Variants in GRM7 observed in about 807,000 individuals in gnomAD.
The protein encoded by GRM7 is metabotropic glutamate receptor 7.
Under a neutral mutation model 84.5 loss-of-function variants are expected in GRM7, and 35 were observed. The observed-to-expected ratio is 0.41, with a 90% CI of 0.32 to 0.55. GRM7 has a LOEUF of 0.55. GRM7 is among the 20% of genes least tolerant of loss of function. The probability of loss-of-function intolerance (pLI) is 0.19; values close to 1 mark genes in which losing one functional copy is unlikely to be tolerated. For missense variants in GRM7, 1,003 were observed against 1,194.6 expected (o/e 0.84, Z 2.36); for synonymous variants, 487 against 455.1 (o/e 1.07, Z -0.89).
chr3:7,133,751 G>C (rs1221037499), intron 1 of GRM7, among the ~76,000 whole-genome samples: 1 of 152,048 alleles, frequency 6.6e-6, no homozygotes, highest in Non-Finnish European at 1.5e-5. Context: ...GTTGTCTATA[G>C]GGATTAATCC....
chr3:6,882,426 G>A (rs1695545464), intron 1 of GRM7, among the ~76,000 whole-genome samples: 3 of 152,100 alleles, frequency 2.0e-5, no homozygotes, highest in Admixed American at 1.3e-4. Flanking sequence ...TTAGCTTTTA[G>A]TCCCAGCTAC....
chr3:7,309,341 G>A (rs56342345), intron 4 of GRM7, among the ~76,000 whole-genome samples: 56,163 of 152,054 alleles, frequency 0.37, 11,094 homozygotes, highest in Middle Eastern at 0.48. Context: ...CAGAGCCTAT[G>A]TGGGCAAGTA....
At chr3:7,209,484 A>G (rs114006522) in intron 2 of GRM7, among the ~76,000 whole-genome samples, 1,603 of 152,290 alleles carry the variant, frequency 0.011, 17 homozygotes, top group African/African-American at 0.028. Flanking sequence ...TCCAGAGACA[A>G]TGTGCTCTGA....
At chr3:7,401,080 C>G (rs981427609) in intron 4 of GRM7, among the ~76,000 whole-genome samples, 3 of 152,060 alleles carry the variant, frequency 2.0e-5, no homozygotes, top group Non-Finnish European at 4.4e-5. Flanking sequence ...TTCAGAATCT[C>G]TCTACCATGG....
chr3:7,323,072 C>T (rs1700849229), intron 4 of GRM7, among the ~76,000 whole-genome samples: 1 of 152,060 alleles, frequency 6.6e-6, no homozygotes, highest in South Asian at 2.1e-4. Flanking sequence ...ACACGGTGAT[C>T]TCTGGAGCAT....
At chr3:7,454,081 T>TACACACACACACACACACAC (rs141029901) in intron 6 of GRM7, among the ~76,000 whole-genome samples, 4 of 142,590 alleles carry the variant, frequency 2.8e-5, no homozygotes, top group South Asian at 2.3e-4. Context: ...CATGAAAAGC[T>TACACACACACACACACACAC]ACACACACAC....
intron 4 of GRM7, among the ~76,000 whole-genome samples, chr3:7,350,689 A>G (rs1234599969): frequency 2.0e-5 from 3 of 152,104 alleles, no homozygotes; most frequent in Admixed American, 6.6e-5. Context: ...ATCCATAACT[A>G]TATATTACTT....
chr3:7,183,648 A>C (rs1695419591), intron 2 of GRM7, among the ~76,000 whole-genome samples: 3 of 152,106 alleles, frequency 2.0e-5, no homozygotes, highest in Admixed American at 2.0e-4. Context: ...ATAACAAATA[A>C]ATAAAATGAA....
intron 2 of GRM7, among the ~76,000 whole-genome samples, chr3:7,179,280 A>G (rs1472750543): frequency 6.6e-6 from 1 of 152,214 alleles, no homozygotes; most frequent in Non-Finnish European, 1.5e-5. Flanking sequence ...GGCATGAGCA[A>G]GTGGAAGCAT....
rs578120565 is a variant in GRM7, at chr3:7,248,360, T to C, written c.737-50324T>C. 4.8e-4 allele frequency among the ~76,000 whole-genome samples: 73 copies of C among 152,242 alleles called. No individual in the cohort carries two copies. The South Asian group carries it at 0.015, about 32-fold the overall frequency. ...CATATGTCAGATAAAGGAAGCCGAATGCAAAAGAGAACATAGTTTATAATT... is the reference window on the plus strand; with the variant it reads ...CATATGTCAGATAAAGGAAGCCGAACGCAAAAGAGAACATAGTTTATAATT... On this transcript the variant is annotated intron_variant, in intron 2 of 9. Coordinates refer to ENST00000357716, the MANE Select transcript of GRM7 (RefSeq NM_000844.4).
intron 1 of GRM7, among the ~76,000 whole-genome samples, chr3:6,892,355 C>T (rs1695992330): frequency 6.7e-6 from 1 of 148,932 alleles, no homozygotes; most frequent in Non-Finnish European, 1.5e-5. Flanking sequence ...CAGGCCTGCA[C>T]ATACACTTAA....
At chr3:7,225,762 A>C (rs1369282181) in intron 2 of GRM7, among the ~76,000 whole-genome samples, 1 of 151,974 alleles carries the variant, frequency 6.6e-6, no homozygotes, top group African/African-American at 2.4e-5. Flanking sequence ...TTTGTCTCTC[A>C]ATTACAAGTT....
At chr3:7,116,257 T>C (rs1693028452) in intron 1 of GRM7, among the ~76,000 whole-genome samples, 1 of 152,182 alleles carries the variant, frequency 6.6e-6, no homozygotes, top group Non-Finnish European at 1.5e-5. Flanking sequence ...TCTCCAGGCA[T>C]TACTGGTTTT....
rs181762952 is a variant in GRM7, at chr3:6,868,080, A to T, written c.519+6173A>T. 3.6e-4 allele frequency among the ~76,000 whole-genome samples: 55 copies of T among 152,324 alleles called. 1 individual carries two copies. The highest frequency in any genetic ancestry group is 1.3e-3 in the African/African-American group (55 of 41,580). On this transcript the variant is annotated intron_variant, in intron 1 of 9. Coordinates refer to ENST00000357716, the MANE Select transcript of GRM7 (RefSeq NM_000844.4). ...AATAATAATTTGAGTCCTTACCATA[A>T]GCCACTGTGCCACGTGCTAAAAGTA...
intron 2 of GRM7, among the ~76,000 whole-genome samples, chr3:7,171,348 A>G (rs965353204): frequency 3.9e-5 from 6 of 152,100 alleles, no homozygotes; most frequent in Admixed American, 6.5e-5. Flanking sequence ...TAATAATCTT[A>G]TGTTAACTTA....
chr3:6,939,568 G>C (rs1697815548), intron 1 of GRM7, among the ~76,000 whole-genome samples: 1 of 152,098 alleles, frequency 6.6e-6, no homozygotes, highest in Non-Finnish European at 1.5e-5. Context: ...AAAAATGTAA[G>C]TTTTAGATAG....
intron 7 of GRM7, among the ~76,000 whole-genome samples, chr3:7,491,411 GGTAT>G (rs979570165): frequency 1.1e-5 from 1 of 89,990 alleles, no homozygotes; most frequent in Non-Finnish European, 2.3e-5. Flanking sequence ...TGATTTAGAT[GGTAT>G]ATATATATAT....
chr3:7,020,168 A>T (rs1012785752), intron 1 of GRM7, among the ~76,000 whole-genome samples: 1 of 152,212 alleles, frequency 6.6e-6, no homozygotes, highest in Non-Finnish European at 1.5e-5. Flanking sequence ...TTCTCTAAAA[A>T]ATGTGCAAAT....
intron 1 of GRM7, among the ~76,000 whole-genome samples, chr3:6,929,232 A>AT (rs1400459892): frequency 1.3e-5 from 2 of 152,152 alleles, no homozygotes; most frequent in African/African-American, 2.4e-5. Flanking sequence ...GCGCATATTC[A>AT]TTTTTTAATA....
Sources: allele counts gnomAD v4.1 joint callset (sites outside exome capture counted in the v4.1 genomes callset), GRCh38; gene constraint gnomAD v4.1.1; transcripts MANE v1.5; gene names NCBI Gene and HGNC (gene_info 2026-07-23, HGNC 2026-07-21).